WNT7A: variants seen among roughly 807,000 people sequenced by gnomAD.
The protein encoded by WNT7A is Wnt family member 7A, also known as protein Wnt-7a.
A neutral mutation model predicts 28.2 loss-of-function variants in WNT7A; 16 were observed. That is an observed-to-expected ratio of 0.57 (90% CI 0.38 to 0.86). The LOEUF is 0.86. Among genes scored for constraint, WNT7A ranks in the 40% least tolerant of loss-of-function variants. The pLI is 0.00. For missense variants in WNT7A, 411 were observed against 489.7 expected (o/e 0.84, Z 1.52); for synonymous variants, 190 against 195.9 (o/e 0.97, Z 0.25).
intron 1 of WNT7A, among the ~76,000 whole-genome samples, chr3:13,878,185 G>T (rs1695140981): frequency 6.6e-6 from 1 of 152,086 alleles, no homozygotes; most frequent in Non-Finnish European, 1.5e-5. Flanking sequence ...CCGCGGCGCC[G>T]GCGGGAGGGC....
chr3:13,860,319 G>C (rs1297169918), intron 2 of WNT7A, among the ~76,000 whole-genome samples: 1 of 152,106 alleles, frequency 6.6e-6, no homozygotes, highest in Admixed American at 6.6e-5. Flanking sequence ...CCCCACCCCA[G>C]CTCCCTTCCT....
At chr3:13,835,815 T>C (rs1345536761) in intron 3 of WNT7A, among the ~76,000 whole-genome samples, 1 of 152,232 alleles carries the variant, frequency 6.6e-6, no homozygotes, top group Non-Finnish European at 1.5e-5. Context: ...ATGTTGTCTT[T>C]CCATACAATG....
At chr3:13,879,668 C>G in intron 1 of WNT7A, 78 bp downstream of exon 1, 1 of 1,508,528 alleles carries the variant, frequency 6.6e-7, no homozygotes, top group Non-Finnish European at 9.0e-7. Context: ...GGCAGAGGCT[C>G]GCAGGCGGCA....
intron 2 of WNT7A, among the ~76,000 whole-genome samples, chr3:13,856,911 G>GAAGAAA (rs1559303241): frequency 2.0e-4 from 17 of 83,402 alleles, no homozygotes; most frequent in South Asian, 1.4e-3. Flanking sequence ...AGAAGAAGAA[G>GAAGAAA]AAGAAGAAGA....
chr3:13,858,358 G>T (rs1441733400), intron 2 of WNT7A, among the ~76,000 whole-genome samples: 1 of 152,226 alleles, frequency 6.6e-6, no homozygotes, highest in Non-Finnish European at 1.5e-5. Flanking sequence ...AGAGGAGGGG[G>T]CTGTCAGCCC....
At position 13,879,039 on chromosome 3, in the gene WNT7A, C is replaced by T. The variant is rs1043759709; in HGVS notation, c.71+707G>A. Among the ~76,000 whole-genome samples, 8 of 151,294 alleles carry T rather than the reference C, an allele frequency of 5.3e-5. No individual in the cohort carries two copies. In the East Asian group the frequency reaches 5.8e-4, roughly 11 times the overall value. On this transcript the variant is annotated intron_variant, in intron 1 of 3. Coordinates refer to ENST00000285018, the MANE Select transcript of WNT7A (RefSeq NM_004625.4). Reference sequence around the variant, plus strand: ...CAGTTCCAGGGGGCGGGGTGTCCCGCCTCTCTCTAGCGCTTGTCTCCCTCT... The same window carrying T: ...CAGTTCCAGGGGGCGGGGTGTCCCGTCTCTCTCTAGCGCTTGTCTCCCTCT...
intron 3 of WNT7A, among the ~76,000 whole-genome samples, chr3:13,829,182 A>G (rs1309103369): frequency 6.6e-6 from 1 of 152,204 alleles, no homozygotes; most frequent in African/African-American, 2.4e-5. Flanking sequence ...CAAGGTGACA[A>G]TGGCAGAATG....
At chr3:13,875,569 G>T (rs1335292468) in intron 1 of WNT7A, among the ~76,000 whole-genome samples, 1 of 152,128 alleles carries the variant, frequency 6.6e-6, no homozygotes, top group Non-Finnish European at 1.5e-5. Context: ...TGGTAAAATT[G>T]TAAAGGCAAG....
intron 3 of WNT7A, among the ~76,000 whole-genome samples, chr3:13,823,245 G>A (rs1052248010): frequency 6.6e-6 from 1 of 152,172 alleles, no homozygotes; most frequent in Admixed American, 6.5e-5. Context: ...GGACTTATGA[G>A]CTCACCTCCC....
chr3:13,828,490 A>G lies in WNT7A; in HGVS notation c.571-9067T>C, dbSNP rs140999315. Reference sequence around the variant, plus strand: ...GTTGGGTTTCTACCCATTACAACTTAAAGTACCCTAACTGCAACAGAAATC... The same window carrying G: ...GTTGGGTTTCTACCCATTACAACTTGAAGTACCCTAACTGCAACAGAAATC... On this transcript the variant is annotated intron_variant, in intron 3 of 3. Coordinates refer to ENST00000285018, the MANE Select transcript of WNT7A (RefSeq NM_004625.4). Among the ~76,000 whole-genome samples the G allele has an allele frequency of 1.1e-3, 166 of 152,318 alleles. 1 individual carries two copies. Among genetic ancestry groups the G allele is most frequent in the Admixed American group, 2.8e-3 (43 of 15,298 alleles).
intron 2 of WNT7A, among the ~76,000 whole-genome samples, chr3:13,864,820 C>A (rs571278752): frequency 1.3e-5 from 2 of 152,262 alleles, no homozygotes; most frequent in Non-Finnish European, 2.9e-5. Context: ...GTCGCATATA[C>A]ATTTTACATG....
chr3:13,829,323 T>A (rs1232194598), intron 3 of WNT7A, among the ~76,000 whole-genome samples: 1 of 152,264 alleles, frequency 6.6e-6, no homozygotes, highest in African/African-American at 2.4e-5. Flanking sequence ...AGTAAGGCAT[T>A]CTGTTACTTG....
At chr3:13,861,784 C>T (rs1193781970) in intron 2 of WNT7A, among the ~76,000 whole-genome samples, 1 of 152,158 alleles carries the variant, frequency 6.6e-6, no homozygotes, top group African/African-American at 2.4e-5. Flanking sequence ...GCCACAGAAA[C>T]AAAGCCAGGG....
chr3:13,853,759 C>T (rs1214859907), intron 3 of WNT7A, among the ~76,000 whole-genome samples: 2 of 152,214 alleles, frequency 1.3e-5, no homozygotes, highest in African/African-American at 2.4e-5. Context: ...TGACTTGCTG[C>T]GGGCCACGTG....
Position 13,839,677 on chromosome 3 carries a change from C to T in WNT7A, c.570+14855G>A, listed in dbSNP as rs541547395. On this transcript the variant is annotated intron_variant, in intron 3 of 3. Coordinates refer to ENST00000285018, the MANE Select transcript of WNT7A (RefSeq NM_004625.4). Reference sequence around the variant, plus strand: ...TAAAAACAAACAAACAAAACTTAACCGACCCCTTCCCCACTCTACCACCAA... The same window carrying T: ...TAAAAACAAACAAACAAAACTTAACTGACCCCTTCCCCACTCTACCACCAA... 6.6e-5 allele frequency among the ~76,000 whole-genome samples: 10 copies of T among 152,252 alleles called. No homozygotes were observed. In the East Asian group the frequency reaches 1.2e-3, roughly 18 times the overall value.
At chr3:13,864,454 C>T (rs1027466352) in intron 2 of WNT7A, among the ~76,000 whole-genome samples, 1 of 152,196 alleles carries the variant, frequency 6.6e-6, no homozygotes, top group South Asian at 2.1e-4. Context: ...CCTTCCCCTC[C>T]TGGGTTGTGG....
intron 2 of WNT7A, among the ~76,000 whole-genome samples, chr3:13,874,629 T>C (rs1455954705): frequency 6.6e-6 from 1 of 152,210 alleles, no homozygotes; most frequent in Non-Finnish European, 1.5e-5. Flanking sequence ...CAGAAATTCC[T>C]ATATTTTAGG....
intron 2 of WNT7A, among the ~76,000 whole-genome samples, chr3:13,862,244 C>T (rs189296914): frequency 5.3e-5 from 8 of 152,304 alleles, no homozygotes; most frequent in Admixed American, 3.3e-4. Context: ...AATGGGGAGC[C>T]CAGCTGACGC....
At chr3:13,845,701 G>T (rs533714114) in intron 3 of WNT7A, among the ~76,000 whole-genome samples, 7 of 152,330 alleles carry the variant, frequency 4.6e-5, no homozygotes, top group African/African-American at 1.7e-4. Flanking sequence ...TCCTGGGAAT[G>T]AGAAGGCAGG....
Sources: gnomAD v4.1 joint callset for allele counts (sites outside exome capture counted in the v4.1 genomes callset) on GRCh38, gnomAD v4.1.1 for gene constraint, MANE v1.5 for transcripts, NCBI Gene and HGNC (gene_info 2026-07-23, HGNC 2026-07-21) for gene names.